Variants in TBC1D1 observed in about 807,000 individuals in gnomAD.
TBC1D1 encodes TBC1 (tre-2/USP6, BUB2, cdc16) domain family, member 1.
A neutral mutation model predicts 125.6 loss-of-function variants in TBC1D1; 89 were observed. The ratio of observed to expected loss-of-function variants is 0.71; its 90% CI spans 0.60 to 0.85. The LOEUF (loss-of-function observed/expected upper bound fraction) is 0.85, where lower values mean the gene tolerates loss of function less well. Among genes scored for constraint, TBC1D1 ranks in the 40% least tolerant of loss-of-function variants. The probability of loss-of-function intolerance (pLI) is 0.00; values close to 1 mark genes in which losing one functional copy is unlikely to be tolerated. For synonymous variants in TBC1D1, 565 were observed against 564.1 expected, an observed-to-expected ratio of 1.00 and a Z score of -0.02; for missense variants, 1,377 against 1,469.2, an observed-to-expected ratio of 0.94 and a Z score of 1.03.
At chr4:38,089,236 G>A (rs1758031361) in intron 12 of TBC1D1, among the ~76,000 whole-genome samples, 1 of 152,200 alleles carries the variant, frequency 6.6e-6, no homozygotes, top group Non-Finnish European at 1.5e-5. Flanking sequence ...GCTAATATCT[G>A]CCTTCTGGAC....
chr4:37,959,032 A>G (rs1172304149), intron 2 of TBC1D1, among the ~76,000 whole-genome samples: 2 of 152,208 alleles, frequency 1.3e-5, no homozygotes, highest in African/African-American at 4.8e-5. Context: ...GGTCCAAGTC[A>G]TGGCTCTGTC....
chr4:38,067,027 C>A (rs541369366), intron 12 of TBC1D1, among the ~76,000 whole-genome samples: 2 of 152,012 alleles, frequency 1.3e-5, no homozygotes, highest in South Asian at 4.2e-4. Context: ...CAGGTGCGCA[C>A]CACCACGCCC....
Position 37,977,128 on chromosome 4 carries a change from G to A in TBC1D1, c.418-37381G>A, listed in dbSNP as rs908128909. 3.3e-5 allele frequency among the ~76,000 whole-genome samples: 5 copies of A among 152,252 alleles called. No homozygotes were observed. The highest frequency in any genetic ancestry group is 7.4e-5 in the Non-Finnish European group (5 of 67,984). On this transcript the variant is annotated intron_variant, in intron 2 of 19. Coordinates refer to ENST00000261439, the MANE Select transcript of TBC1D1 (RefSeq NM_015173.4). This position sits in a 1 kb window ranked among gnomAD's most constrained non-coding sequence, Gnocchi z 4.3. ...GGAAAGGCGCGTCCCCAGCCTCCAG[G>A]GTTTCCTGCGCAGCCCTGGGCATCT...
chr4:38,006,848 T>C, intron 2 of TBC1D1: 1 of 512,314 alleles, frequency 2.0e-6, no homozygotes, highest in Non-Finnish European at 3.9e-6. Context: ...ACGAAGCTTC[T>C]TTTGTCATCT....
chr4:37,925,107 A>G (rs1272210481), intron 2 of TBC1D1, among the ~76,000 whole-genome samples: 1 of 152,202 alleles, frequency 6.6e-6, no homozygotes, highest in East Asian at 1.9e-4. Flanking sequence ...AGGAACACAC[A>G]TGCAGCATAC....
chr4:37,987,502 C>T lies in TBC1D1; in HGVS notation c.418-27007C>T, dbSNP rs369662206. 8.7e-4 allele frequency among the ~76,000 whole-genome samples: 133 copies of T among 152,304 alleles called. 1 individual carries two copies. The highest frequency in any genetic ancestry group is 6.8e-3 in the Middle Eastern group (2 of 294). On this transcript the variant is annotated intron_variant, in intron 2 of 19. Coordinates refer to ENST00000261439, the MANE Select transcript of TBC1D1 (RefSeq NM_015173.4). Reference sequence around the variant, plus strand: ...GAGCTTAGAAAAATATCTTGTTCCACTGAGAAACTGAACTTTTTTCCCCTT... The same window carrying T: ...GAGCTTAGAAAAATATCTTGTTCCATTGAGAAACTGAACTTTTTTCCCCTT...
chr4:37,973,175 T>C (rs1732402605), intron 2 of TBC1D1, among the ~76,000 whole-genome samples: 1 of 152,186 alleles, frequency 6.6e-6, no homozygotes, highest in Admixed American at 6.5e-5. Flanking sequence ...TGCCTACTCC[T>C]GGATTAGGAA....
intron 2 of TBC1D1, among the ~76,000 whole-genome samples, chr4:38,006,626 G>C (rs569574036): frequency 3.3e-5 from 5 of 151,940 alleles, no homozygotes; most frequent in East Asian, 3.9e-4. Context: ...CTACAGGCAT[G>C]TGCCACCACG....
At chr4:37,964,377 C>T (rs766725434) in intron 2 of TBC1D1, among the ~76,000 whole-genome samples, 1 of 152,194 alleles carries the variant, frequency 6.6e-6, no homozygotes, top group Non-Finnish European at 1.5e-5. Context: ...TTCTAAACCT[C>T]GTGCTAGATC....
At chr4:37,892,977 C>T (rs895635332) in intron 1 of TBC1D1, among the ~76,000 whole-genome samples, 2 of 152,246 alleles carry the variant, frequency 1.3e-5, no homozygotes, top group South Asian at 4.1e-4. Flanking sequence ...CAGATGTGGG[C>T]GGGTGGCTTT....
intron 12 of TBC1D1, among the ~76,000 whole-genome samples, chr4:38,088,485 AC>A (rs1560765753): frequency 1.3e-5 from 2 of 152,222 alleles, no homozygotes. Context: ...TTTCTCAGGC[AC>A]CTGCTGGGTG....
intron 2 of TBC1D1, among the ~76,000 whole-genome samples, chr4:37,930,398 T>C (rs1319799083): frequency 6.6e-6 from 1 of 152,164 alleles, no homozygotes; most frequent in Admixed American, 6.5e-5. Flanking sequence ...CATGGCTCAT[T>C]GCAGCATCAG....
chr4:37,960,310 A>T (rs1442720778), intron 2 of TBC1D1: 5 of 885,940 alleles, frequency 5.6e-6, no homozygotes, highest in Non-Finnish European at 8.6e-6. Context: ...TAACTCTCAG[A>T]TGATGTGCTA....
At chr4:37,901,663 T>A (rs921523247) in intron 1 of TBC1D1, among the ~76,000 whole-genome samples, 1 of 151,862 alleles carries the variant, frequency 6.6e-6, no homozygotes, top group Admixed American at 6.6e-5. Flanking sequence ...GTGATATTAC[T>A]TGTCCCAGAT....
Position 38,021,574 on chromosome 4 carries a change from C to G in TBC1D1, c.1078-12C>G. 1.3e-6 allele frequency: 2 copies of G among 1,511,188 alleles called. No homozygotes were observed. Among genetic ancestry groups the G allele is most frequent in the Non-Finnish European group, 1.8e-6 (2 of 1,128,932 alleles). 93.6% of individuals were successfully genotyped at this position (1,511,188 alleles called of 1,614,324 possible). ...CTTTTTGGTGACTACAACTTCTCTT[C>G]TCTTTGATTAGGTTGATGAAATTAT... On this transcript the variant is annotated splice_polypyrimidine_tract_variant and intron_variant, in intron 5 of 19. Coordinates refer to ENST00000261439, the MANE Select transcript of TBC1D1 (RefSeq NM_015173.4).
chr4:37,961,943 C>A (rs554926243), intron 2 of TBC1D1, among the ~76,000 whole-genome samples: 5 of 152,344 alleles, frequency 3.3e-5, no homozygotes, highest in Non-Finnish European at 7.3e-5. Context: ...CTGCTCCACT[C>A]CATTTTGATT....
intron 14 of TBC1D1, among the ~76,000 whole-genome samples, chr4:38,097,160 A>T (rs967392267): frequency 4.6e-5 from 7 of 152,064 alleles, no homozygotes; most frequent in African/African-American, 1.7e-4. Context: ...AAAACGTTGT[A>T]TATGCACTTT....
intron 7 of TBC1D1, among the ~76,000 whole-genome samples, chr4:38,034,421 C>T (rs550802149): frequency 6.6e-6 from 1 of 152,350 alleles, no homozygotes; most frequent in East Asian, 1.9e-4. Flanking sequence ...CCCTTCTAAT[C>T]ATTAACTATC....
chr4:38,075,716 G>A (rs1755472850), intron 12 of TBC1D1, among the ~76,000 whole-genome samples: 1 of 152,128 alleles, frequency 6.6e-6, no homozygotes, highest in African/African-American at 2.4e-5. Flanking sequence ...CATGAGAGGA[G>A]GGAGGGTGGA....
Sources: gnomAD v4.1 joint callset for allele counts (sites outside exome capture counted in the v4.1 genomes callset) on GRCh38, gnomAD v4.1.1 for gene constraint, Gnocchi (gnomAD v3.1) non-coding constraint, MANE v1.5 for transcripts, NCBI Gene and HGNC (gene_info 2026-07-23, HGNC 2026-07-21) for gene names.